DCC: variants seen among roughly 807,000 people sequenced by gnomAD.
DCC encodes the protein DCC netrin 1 receptor.
Under a neutral mutation model 172.5 loss-of-function variants are expected in DCC, and 58 were observed. The observed-to-expected ratio is 0.34, with a 90% CI of 0.27 to 0.42. The LOEUF is 0.42. Among genes scored for constraint, DCC ranks in the 10% least tolerant of loss-of-function variants. The probability of loss-of-function intolerance (pLI) is 1.00; values close to 1 mark genes in which losing one functional copy is unlikely to be tolerated. For synonymous variants in DCC, 709 were observed against 644.5 expected (o/e 1.10, Z -1.52); for missense variants, 1,740 against 1,791.0 (o/e 0.97, Z 0.51).
At chr18:52,530,323 G>C (rs915442139) in intron 1 of DCC, among the ~76,000 whole-genome samples, 1 of 152,134 alleles carries the variant, frequency 6.6e-6, no homozygotes, top group African/African-American at 2.4e-5. Context: ...TAAGTGATTT[G>C]TTCAAGTTCA....
chr18:52,952,988 A>T (rs2040678018), intron 5 of DCC, among the ~76,000 whole-genome samples: 1 of 107,648 alleles, frequency 9.3e-6, no homozygotes, highest in Non-Finnish European at 1.8e-5. Flanking sequence ...CCACAGTAAG[A>T]CTCTCCTGTC....
chr18:52,685,730 A>T (rs8084402), intron 1 of DCC, among the ~76,000 whole-genome samples: 23,002 of 152,068 alleles, frequency 0.15, 2,006 homozygotes, highest in Admixed American at 0.25. Context: ...CCACTTCTTA[A>T]ATATATACTG....
At chr18:53,341,942 T>C (rs1395907911) in intron 15 of DCC, among the ~76,000 whole-genome samples, 1 of 152,098 alleles carries the variant, frequency 6.6e-6, no homozygotes, top group Admixed American at 6.6e-5. Flanking sequence ...AGCTCTCTAG[T>C]CATTACATAT....
intron 5 of DCC, among the ~76,000 whole-genome samples, chr18:52,952,820 T>C (rs2040674248): frequency 6.6e-6 from 1 of 151,740 alleles, no homozygotes; most frequent in Non-Finnish European, 1.5e-5. Flanking sequence ...GGCAACATAG[T>C]GAGATCCTGT....
intron 2 of DCC, among the ~76,000 whole-genome samples, chr18:52,800,151 C>G (rs1257965521): frequency 1.3e-5 from 2 of 152,100 alleles, no homozygotes; most frequent in Non-Finnish European, 2.9e-5. Context: ...TGCAGAGTTC[C>G]TAGTGAGAAA....
intron 2 of DCC, among the ~76,000 whole-genome samples, chr18:52,886,462 G>T (rs1286840231): frequency 6.6e-6 from 1 of 152,180 alleles, no homozygotes; most frequent in Non-Finnish European, 1.5e-5. Flanking sequence ...TCAATGTAAA[G>T]TCCCCCAGTC....
intron 8 of DCC, among the ~76,000 whole-genome samples, chr18:53,160,476 T>G (rs1341160358): frequency 6.6e-6 from 1 of 152,240 alleles, no homozygotes; most frequent in Non-Finnish European, 1.5e-5. Flanking sequence ...TGCATCAATG[T>G]TTTGCCTGCT....
At chr18:52,960,843 GTAAA>G (rs1329684118) in intron 5 of DCC, among the ~76,000 whole-genome samples, 1 of 152,054 alleles carries the variant, frequency 6.6e-6, no homozygotes, top group African/African-American at 2.4e-5. Flanking sequence ...TTTGAAGTAA[GTAAA>G]TAACAGGATT....
chr18:53,424,482 T>C (rs1910796694), intron 21 of DCC, among the ~76,000 whole-genome samples: 1 of 152,142 alleles, frequency 6.6e-6, no homozygotes, highest in African/African-American at 2.4e-5. Context: ...CAGTCCAGTA[T>C]GAAAAATACA....
rs561336418 is a variant in DCC at position 52,690,967 on chromosome 18, T to C, written c.92-61087T>C. ...TCTCAAACCTGACTTAGTCAGCATA[T>C]ACGAAGGTCTGCCTCTCCAGGGAAT... On this transcript the variant is annotated intron_variant, in intron 1 of 28. Coordinates refer to ENST00000442544, the MANE Select transcript of DCC (RefSeq NM_005215.4). Among the ~76,000 whole-genome samples the C allele has an allele frequency of 1.4e-4, 22 of 152,210 alleles. No homozygotes were observed. The East Asian group carries it at 2.1e-3, about 15-fold the overall frequency.
At chr18:52,617,999 C>T (rs1456571818) in intron 1 of DCC, among the ~76,000 whole-genome samples, 1 of 152,098 alleles carries the variant, frequency 6.6e-6, no homozygotes, top group Non-Finnish European at 1.5e-5. Flanking sequence ...ACAGTGAATC[C>T]ATGCAGGGTA....
intron 12 of DCC, among the ~76,000 whole-genome samples, chr18:53,257,949 T>C (rs966578009): frequency 6.6e-6 from 1 of 152,196 alleles, no homozygotes; most frequent in Admixed American, 6.5e-5. Flanking sequence ...GGAGGGCGTA[T>C]GTGTGGAGGC....
intron 1 of DCC, among the ~76,000 whole-genome samples, chr18:52,567,287 T>C (rs1034169495): frequency 1.3e-5 from 2 of 152,176 alleles, no homozygotes; most frequent in East Asian, 3.8e-4. Flanking sequence ...AATTAATAAA[T>C]ATAAATTTTA....
intron 1 of DCC, among the ~76,000 whole-genome samples, chr18:52,629,971 A>T (rs1031385633): frequency 6.8e-6 from 1 of 147,874 alleles, no homozygotes; most frequent in African/African-American, 2.5e-5. Flanking sequence ...AAAAAAAAAA[A>T]AAAAATTAGC....
At chr18:52,363,903 T>A (rs17816329) in intron 1 of DCC, among the ~76,000 whole-genome samples, 13,174 of 152,160 alleles carry the variant, frequency 0.087, 961 homozygotes, top group East Asian at 0.37. Context: ...CCAGATGTAC[T>A]CTCACCCAGT....
chr18:52,543,346 C>A (rs546680816), intron 1 of DCC, among the ~76,000 whole-genome samples: 1 of 152,010 alleles, frequency 6.6e-6, no homozygotes, highest in Non-Finnish European at 1.5e-5. Flanking sequence ...TTCTACTAAG[C>A]CTTCAAAATT....
At chr18:52,484,672 T>C (rs970793019) in intron 1 of DCC, among the ~76,000 whole-genome samples, 1 of 152,046 alleles carries the variant, frequency 6.6e-6, no homozygotes, top group African/African-American at 2.4e-5. Context: ...AGTTCTTCTA[T>C]AGAAGTGCCC....
intron 2 of DCC, among the ~76,000 whole-genome samples, chr18:52,852,452 AAAAC>A (rs1167547208): frequency 6.8e-6 from 1 of 147,184 alleles, no homozygotes; most frequent in East Asian, 1.9e-4. Flanking sequence ...TGAAAACTGA[AAAAC>A]AAAAAACAAA....
At chr18:53,513,455 A>G (rs558587955) in intron 27 of DCC, among the ~76,000 whole-genome samples, 4 of 152,340 alleles carry the variant, frequency 2.6e-5, no homozygotes, top group Admixed American at 2.0e-4. Flanking sequence ...TCAAATTCAC[A>G]CATAACAATA....
Sources: allele counts gnomAD v4.1 joint callset (sites outside exome capture counted in the v4.1 genomes callset), GRCh38; gene constraint gnomAD v4.1.1; transcripts MANE v1.5; gene names NCBI Gene and HGNC (gene_info 2026-07-23, HGNC 2026-07-21).